Variants in TBC1D4 observed in about 807,000 individuals in gnomAD.
TBC1D4 encodes the protein TBC (Tre-2, BUB2, CDC16) domain-containing protein.
In TBC1D4, 121 loss-of-function variants were observed where a neutral mutation model predicts 142.5. The observed-to-expected ratio is 0.85, with a 90% confidence interval of 0.73 to 0.99. TBC1D4 has a LOEUF of 0.99. Ranked by LOEUF, TBC1D4 falls within the 50% of genes least tolerant of loss-of-function variation. The probability of loss-of-function intolerance (pLI) is 0.00; values close to 1 mark genes in which losing one functional copy is unlikely to be tolerated. For synonymous variants in TBC1D4, 630 were observed against 628.2 expected, an observed-to-expected ratio of 1.00 and a Z score of -0.04; for missense variants, 1,475 against 1,606.6, an observed-to-expected ratio of 0.92 and a Z score of 1.40.
intron 1 of TBC1D4, among the ~76,000 whole-genome samples, chr13:75,405,362 C>T (rs1224305551): frequency 4.0e-5 from 6 of 151,314 alleles, no homozygotes; most frequent in African/African-American, 1.5e-4. Flanking sequence ...CTCCGCCTCC[C>T]GGGTTCAAGC....
At chr13:75,312,072 C>T (rs1175246854) in intron 13 of TBC1D4, among the ~76,000 whole-genome samples, 1 of 152,082 alleles carries the variant, frequency 6.6e-6, no homozygotes, top group Non-Finnish European at 1.5e-5. Context: ...TATGTATGTT[C>T]TCATGATTGT....
At chr13:75,324,183 T>C in intron 11 of TBC1D4, 54 bp downstream of exon 11, 1 of 1,600,046 alleles carries the variant, frequency 6.2e-7, no homozygotes, top group African/African-American at 1.3e-5. Context: ...TAGTAACATA[T>C]CAGTATATCA....
At chr13:75,374,176 G>C (rs1445296749) in intron 1 of TBC1D4, among the ~76,000 whole-genome samples, 1 of 152,042 alleles carries the variant, frequency 6.6e-6, no homozygotes, top group African/African-American at 2.4e-5. Context: ...CCCAGCCCAC[G>C]CCAGGCCCTG....
chr13:75,434,178 A>G (rs1014719967), intron 1 of TBC1D4, among the ~76,000 whole-genome samples: 4 of 152,220 alleles, frequency 2.6e-5, no homozygotes, highest in Non-Finnish European at 5.9e-5. Flanking sequence ...CCAGAGGAAT[A>G]TAAGTCATTC....
In TBC1D4 at chr13:75,416,921, G is replaced by A. The variant is rs569630810; in HGVS notation, c.499-54314C>T. Among the ~76,000 whole-genome samples the A allele has an allele frequency of 2.6e-5, 4 of 152,286 alleles. No homozygotes were observed. In the South Asian group the frequency reaches 8.3e-4, roughly 32 times the overall value. ...TTCTTCTGACCCCTGGAGGAGAAAA[G>A]AGGGCAGGGAAGGTCAAACTGCCCT... is the stretch of plus-strand genomic sequence containing the variant. On this transcript the variant is annotated intron_variant, in intron 1 of 20. Coordinates refer to ENST00000377636, the MANE Select transcript of TBC1D4 (RefSeq NM_014832.5).
At chr13:75,443,756 C>T (rs1489244457) in intron 1 of TBC1D4, among the ~76,000 whole-genome samples, 1 of 152,130 alleles carries the variant, frequency 6.6e-6, no homozygotes, top group Non-Finnish European at 1.5e-5. Flanking sequence ...AAGCCCTGTC[C>T]CTACTCAGAA....
intron 1 of TBC1D4, among the ~76,000 whole-genome samples, chr13:75,401,153 T>G (rs1885071100): frequency 6.6e-6 from 1 of 151,980 alleles, no homozygotes; most frequent in Non-Finnish European, 1.5e-5. Context: ...ACAAGGAAAA[T>G]ATTTTCAAAA....
At chr13:75,354,175 G>C (rs1169899906) in intron 4 of TBC1D4, among the ~76,000 whole-genome samples, 1 of 152,234 alleles carries the variant, frequency 6.6e-6, no homozygotes, top group Non-Finnish European at 1.5e-5. Context: ...TCCGGTCTAA[G>C]TGCAGAATAA....
chr13:75,440,999 G>A (rs1887015010), intron 1 of TBC1D4, among the ~76,000 whole-genome samples: 2 of 152,110 alleles, frequency 1.3e-5, no homozygotes, highest in South Asian at 2.1e-4. Flanking sequence ...GCTCACGCCT[G>A]TAATTCCAAC....
chr13:75,449,420 T>C (rs574023935), intron 1 of TBC1D4, among the ~76,000 whole-genome samples: 201 of 150,284 alleles, frequency 1.3e-3, no homozygotes, highest in Admixed American at 3.7e-3. Flanking sequence ...ACTGTAACAA[T>C]ATACTGTAAT....
intron 5 of TBC1D4, among the ~76,000 whole-genome samples, chr13:75,345,120 G>A (rs1462096175): frequency 1.3e-5 from 2 of 152,196 alleles, no homozygotes; most frequent in East Asian, 1.9e-4. Context: ...AATTAGGCAA[G>A]TCCAAATCCT....
intron 1 of TBC1D4, among the ~76,000 whole-genome samples, chr13:75,452,970 TA>T (rs1263503712): frequency 6.6e-6 from 1 of 152,162 alleles, no homozygotes; most frequent in Non-Finnish European, 1.5e-5. Context: ...AATAAACCCA[TA>T]AAATTACATT....
intron 1 of TBC1D4, among the ~76,000 whole-genome samples, chr13:75,407,738 T>G (rs1299945993): frequency 6.6e-6 from 1 of 151,944 alleles, no homozygotes; most frequent in Non-Finnish European, 1.5e-5. Context: ...TTTTTCTCTA[T>G]CCCAGTTAGT....
At chr13:75,320,586 T>C (rs1395372726) in intron 11 of TBC1D4, among the ~76,000 whole-genome samples, 1 of 152,110 alleles carries the variant, frequency 6.6e-6, no homozygotes, top group Non-Finnish European at 1.5e-5. Flanking sequence ...TGCAAATAAA[T>C]CTACTAACCA....
At chr13:75,397,704 T>C (rs1884867923) in intron 1 of TBC1D4, among the ~76,000 whole-genome samples, 1 of 152,182 alleles carries the variant, frequency 6.6e-6, no homozygotes, top group Non-Finnish European at 1.5e-5. Context: ...AAATGAAGCA[T>C]GACCTTTCCC....
Position 75,362,408 on chromosome 13 carries a change from T to C in TBC1D4, c.698A>G (p.Glu233Gly). 1 of 1,614,240 alleles carries C rather than the reference T, an allele frequency of 6.2e-7. No homozygotes were observed. The highest frequency in any genetic ancestry group is 8.5e-7 in the Non-Finnish European group (1 of 1,180,040). ...CCCTTGGATCTTCAGGCGCTGCTGT[T>C]CGTGCAGGCTGAACTTCTCCATGCA... ...DDCMEKFSLH[E>G]QQRLKIQGEQ... The change falls in exon 2 of 21, where the codon GAA becomes GGA. Residue 233 changes from glutamate (E) to glycine (G), a missense_variant. By Grantham distance (98) the Glu-to-Gly change is moderately conservative. Around this residue, in one of 2 missense-constraint regions of TBC1D4, gnomAD observed 1,227 missense variants for 1,267.7 expected, o/e 0.97. Transcript: ENST00000377636. The surrounding 1 kb of genome is among the most constrained non-coding windows in gnomAD (Gnocchi z 4.2).
intron 1 of TBC1D4, among the ~76,000 whole-genome samples, chr13:75,368,117 A>G (rs1883020910): frequency 6.6e-6 from 1 of 152,236 alleles, no homozygotes; most frequent in African/African-American, 2.4e-5. Context: ...AATTTTCCAA[A>G]GTAAAATAGA....
chr13:75,445,544 C>T (rs1353685289), intron 1 of TBC1D4, among the ~76,000 whole-genome samples: 1 of 152,118 alleles, frequency 6.6e-6, no homozygotes, highest in Non-Finnish European at 1.5e-5. Context: ...GTAAAATCTT[C>T]TATAAAATAA....
intron 11 of TBC1D4, among the ~76,000 whole-genome samples, chr13:75,322,687 T>G (rs1400613356): frequency 6.6e-6 from 1 of 152,222 alleles, no homozygotes; most frequent in Non-Finnish European, 1.5e-5. Context: ...ATATACTCAC[T>G]TTAACAAACA....
Sources: gnomAD v4.1 joint callset for allele counts (sites outside exome capture counted in the v4.1 genomes callset) on GRCh38, gnomAD v4.1.1 for gene constraint, gnomAD v4.1.1 regional missense constraint, Gnocchi (gnomAD v3.1) non-coding constraint, MANE v1.5 for transcripts, NCBI Gene and HGNC (gene_info 2026-07-23, HGNC 2026-07-21) for gene names.